NBPF3: variants seen among roughly 807,000 people sequenced by gnomAD.
The protein encoded by NBPF3 is NBPF family member NBPF3.
A neutral mutation model predicts 78.1 loss-of-function variants in NBPF3; 57 were observed. The observed-to-expected ratio is 0.73, with a 90% CI of 0.59 to 0.91. NBPF3 has a LOEUF of 0.91. Among genes scored for constraint, NBPF3 ranks in the 40% least tolerant of loss-of-function variants. NBPF3 has a pLI of 0.00. For synonymous variants in NBPF3, 182 were observed against 271.7 expected (o/e 0.67, Z 3.25); for missense variants, 510 against 715.3 (o/e 0.71, Z 3.27).
chr1:21,439,498 A>T (rs941036067), upstream of NBPF3, among the ~76,000 whole-genome samples: 1 of 152,160 alleles, frequency 6.6e-6, no homozygotes, highest in African/African-American at 2.4e-5. Context: ...TCAAAAAAAA[A>T]AATAAAAATA....
chr1:21,440,105 A>C (rs1006411415), upstream of NBPF3: 1 of 140,038 alleles, frequency 7.1e-6, no homozygotes, highest in African/African-American at 2.5e-5. Context: ...CTGAGGAGCC[A>C]GTGGGCTGCA....
chr1:21,449,628 G>A (rs10737456), intron 2 of NBPF3, among the ~76,000 whole-genome samples: 82,528 of 151,776 alleles, frequency 0.54, 23,206 homozygotes, highest in Admixed American at 0.67. Context: ...CTGCCACCAC[G>A]CCTGGCTAAT....
chr1:21,464,240 A>G (rs1253117226), intron 2 of NBPF3, among the ~76,000 whole-genome samples: 1 of 152,244 alleles, frequency 6.6e-6, no homozygotes, highest in East Asian at 1.9e-4. Flanking sequence ...CAGTTGATGA[A>G]TAAACAAAAT....
chr1:21,474,323 C>T (rs1642774940), intron 7 of NBPF3, among the ~76,000 whole-genome samples: 1 of 152,008 alleles, frequency 6.6e-6, no homozygotes, highest in Non-Finnish European at 1.5e-5. Flanking sequence ...CCTGCCTCAG[C>T]CTCCTGAGTC....
At chr1:21,451,026 G>T (rs1284799598) in intron 2 of NBPF3, among the ~76,000 whole-genome samples, 1 of 152,222 alleles carries the variant, frequency 6.6e-6, no homozygotes, top group Admixed American at 6.5e-5. Flanking sequence ...GCCGTCCTAT[G>T]GGTCTTTGCC....
At chr1:21,477,013 C>A (rs1386494249) in intron 8 of NBPF3, among the ~76,000 whole-genome samples, 1 of 152,204 alleles carries the variant, frequency 6.6e-6, no homozygotes, top group African/African-American at 2.4e-5. Flanking sequence ...CTTCTCACTT[C>A]ATTTCATTAA....
chr1:21,461,873 T>C (rs1641968817), intron 2 of NBPF3, among the ~76,000 whole-genome samples: 1 of 152,196 alleles, frequency 6.6e-6, no homozygotes, highest in Admixed American at 6.5e-5. Context: ...TGGTCCCCAG[T>C]GTCGGAGGTG....
At position 21,460,593 on chromosome 1, in the gene NBPF3, A is replaced by G. The variant is rs568713066; in HGVS notation, c.134-8095A>G. Among the ~76,000 whole-genome samples, 1 of 152,394 alleles carries G rather than the reference A, an allele frequency of 6.6e-6. No individual in the cohort carries two copies. Among genetic ancestry groups the G allele is most frequent in the South Asian group, 2.1e-4 (1 of 4,832 alleles). On this transcript the variant is annotated intron_variant, in intron 2 of 14. Coordinates refer to ENST00000318249, the MANE Select transcript of NBPF3 (RefSeq NM_032264.6). The surrounding 1 kb of genome is among the most constrained non-coding windows in gnomAD (Gnocchi z 4.2). ...ATATTTGTGGTTTTAAAAAGTTAAT[A>G]TTAACCACTCTTCATCATACACTGA...
intron 2 of NBPF3, among the ~76,000 whole-genome samples, chr1:21,464,517 T>A (rs1166867895): frequency 2.0e-5 from 3 of 152,092 alleles, no homozygotes; most frequent in Non-Finnish European, 4.4e-5. Context: ...ATGAAAATAT[T>A]CTGGAATTAG....
chr1:21,469,438 G>T (rs1244290166), intron 3 of NBPF3, among the ~76,000 whole-genome samples: 2 of 152,114 alleles, frequency 1.3e-5, no homozygotes, highest in African/African-American at 4.8e-5. Context: ...CAAGAGCAGG[G>T]AGTAGGGGCC....
At chr1:21,452,116 T>C (rs1009853161) in intron 2 of NBPF3, among the ~76,000 whole-genome samples, 2 of 152,244 alleles carry the variant, frequency 1.3e-5, no homozygotes, top group Admixed American at 1.3e-4. Flanking sequence ...TTTATTGCAT[T>C]AGGCTTAAAT....
chr1:21,448,474 T>C (rs889141997), intron 2 of NBPF3, among the ~76,000 whole-genome samples: 7 of 152,162 alleles, frequency 4.6e-5, no homozygotes, highest in Non-Finnish European at 1.0e-4. Flanking sequence ...TGTATTCCTT[T>C]TCCACGAATC....
chr1:21,446,844 C>T (rs1641017011), intron 2 of NBPF3, among the ~76,000 whole-genome samples: 1 of 152,056 alleles, frequency 6.6e-6, no homozygotes, highest in Admixed American at 6.5e-5. Context: ...TCACCAAGTT[C>T]TGCCCACCCA....
intron 1 of NBPF3, 68 bp downstream of exon 1, chr1:21,440,416 G>A (rs2147880328): frequency 6.6e-6 from 1 of 151,378 alleles, no homozygotes; most frequent in Non-Finnish European, 1.5e-5. Flanking sequence ...CTGGGTCGAG[G>A]CGCGGCCGTC....
intron 11 of NBPF3, among the ~76,000 whole-genome samples, 157 bp downstream of exon 11, chr1:21,480,380 T>G: frequency 8.9e-6 from 1 of 112,580 alleles, no homozygotes; most frequent in Non-Finnish European, 2.2e-5. Flanking sequence ...TAGTTTCAGT[T>G]GGAAGCCCAG....
intron 2 of NBPF3, among the ~76,000 whole-genome samples, chr1:21,463,546 C>T (rs981984541): frequency 2.0e-5 from 3 of 152,176 alleles, no homozygotes; most frequent in Admixed American, 6.5e-5. Flanking sequence ...AGGTACAAAT[C>T]TTTGTGACTT....
At position 21,484,263 on chromosome 1, in the gene NBPF3, T is replaced by G. The variant is rs1324901654; in HGVS notation, c.*877T>G. The G allele has an allele frequency of 2.1e-5, 3 of 145,222 alleles. No homozygotes were observed. The East Asian group carries it at 6.1e-4, about 30-fold the overall frequency. The allele number at this position is 145,222 out of a possible 1,614,324, so 9.0% of individuals were successfully genotyped here. On this transcript the variant is annotated 3_prime_UTR_variant, in exon 15 of 15. Coordinates refer to ENST00000318249, the MANE Select transcript of NBPF3 (RefSeq NM_032264.6). ...ATCACACAACAAAAAGGAGGAGAGATATTTTGGGTTCAGAAGAAGTAAATG... is the reference window on the plus strand; with the variant it reads ...ATCACACAACAAAAAGGAGGAGAGAGATTTTGGGTTCAGAAGAAGTAAATG...
intron 2 of NBPF3, among the ~76,000 whole-genome samples, chr1:21,452,135 TC>T (rs1194929362): frequency 1.3e-5 from 2 of 152,222 alleles, no homozygotes; most frequent in Admixed American, 1.3e-4. Flanking sequence ...ATTTCATGCA[TC>T]TTAAGGTTTT....
upstream of NBPF3, among the ~76,000 whole-genome samples, chr1:21,439,389 T>G (rs150086555): frequency 7.6e-3 from 1,154 of 152,004 alleles, 5 homozygotes; most frequent in Non-Finnish European, 0.013. Context: ...TTTGGGAGGC[T>G]AAGGCAGGAC....
Sources: gnomAD v4.1 joint callset for allele counts (sites outside exome capture counted in the v4.1 genomes callset) on GRCh38, gnomAD v4.1.1 for gene constraint, Gnocchi (gnomAD v3.1) non-coding constraint, MANE v1.5 for transcripts, NCBI Gene and HGNC (gene_info 2026-07-23, HGNC 2026-07-21) for gene names.